The following NISCH variants were observed in gnomAD, a reference collection of about 807,000 sequenced individuals.
NISCH encodes nischarin, also known as I-1 receptor candidate protein.
NISCH carries 55 observed loss-of-function variants against 138.4 expected under a neutral mutation model. The ratio of observed to expected loss-of-function variants is 0.40; its 90% confidence interval spans 0.32 to 0.50. The LOEUF (loss-of-function observed/expected upper bound fraction) is 0.50. NISCH is among the 20% of genes least tolerant of loss of function. The pLI, the probability that NISCH is intolerant of heterozygous loss-of-function variation, is 0.71. For missense variants in NISCH, 1,643 were observed against 2,005.5 expected (o/e 0.82, Z 3.45); for synonymous variants, 860 against 861.5 (o/e 1.00, Z 0.03).
At chr3:52,476,983 T>C (rs959676779) in intron 8 of NISCH, among the ~76,000 whole-genome samples, 2 of 151,988 alleles carry the variant, frequency 1.3e-5, no homozygotes, top group African/African-American at 2.4e-5. Context: ...TGCAGTGAGC[T>C]GAGATAGGGC....
At chr3:52,479,931 C>A in intron 12 of NISCH, 69 bp downstream of exon 12, 2 of 1,277,654 alleles carry the variant, frequency 1.6e-6, no homozygotes, top group Non-Finnish European at 2.2e-6. Context: ...GTTTGGGGGG[C>A]TTGGGCCATG....
chr3:52,486,831 G>A (rs1436186875), intron 15 of NISCH, among the ~76,000 whole-genome samples: 1 of 152,234 alleles, frequency 6.6e-6, no homozygotes, highest in Non-Finnish European at 1.5e-5. Flanking sequence ...GTGACAAGTA[G>A]ATTCATGCCC....
At chr3:52,490,270 G>A (rs1481149378) in intron 18 of NISCH, 39 bp downstream of exon 18, 3 of 1,604,564 alleles carry the variant, frequency 1.9e-6, no homozygotes, top group South Asian at 1.1e-5. Context: ...AGCTTGGAGT[G>A]TGTGGTTGGG....
chr3:52,491,829 G>A (rs772858891), intron 20 of NISCH, 43 bp from the exon 21 acceptor site: 8 of 1,529,920 alleles, frequency 5.2e-6, no homozygotes, highest in Admixed American at 4.2e-5. Flanking sequence ...AGCCCCACCA[G>A]GGGCCGGTTC....
intron 3 of NISCH, among the ~76,000 whole-genome samples, chr3:52,466,895 CGGCAGGTGGTG>C (rs1374861801): frequency 6.6e-6 from 1 of 152,026 alleles, no homozygotes; most frequent in Non-Finnish European, 1.5e-5. Context: ...CACAGAATCC[CGGCAGGTGGTG>C]GGCAGGTGGT....
In NISCH at chr3:52,476,582, G is replaced by A. The variant is rs772025090; in HGVS notation, c.901G>A (p.Glu301Lys). 3.1e-5 allele frequency: 50 copies of A among 1,614,016 alleles called. No individual in the cohort carries two copies. Among genetic ancestry groups the A allele is most frequent in the South Asian group, 2.2e-4 (20 of 91,086 alleles). The change falls in exon 8 of 21, where the codon GAG becomes AAG. Residue 301 changes from glutamate (E) to lysine (K), a missense_variant. Coordinates refer to ENST00000345716, the MANE Select transcript of NISCH (RefSeq NM_007184.4). ...TGACCTGAGCCACAACAGCGTCTCCGAGATCGACGAGTCTGTGGTATGCTC... is the reference window on the plus strand; with the variant it reads ...TGACCTGAGCCACAACAGCGTCTCCAAGATCGACGAGTCTGTGGTATGCTC... ...TLDLSHNSVS[E>K]IDESVKLIPK...
In NISCH at chr3:52,487,221, C is replaced by T; in HGVS notation, c.1729C>T (p.Gln577Ter). ...ASPEHAEPEV[Q>*]VVPGSGQIIF... ...CCCAGAACATGCCGAGCCGGAGGTC[C>T]AGGTGGTGCCGGGGTCTGGCCAGAT... Residue 577 changes from glutamine to a stop codon, truncating the protein, a stop_gained, in exon 16 of 21, where the codon CAG becomes TAG. Coordinates refer to ENST00000345716, the MANE Select transcript of NISCH (RefSeq NM_007184.4). LOFTEE classifies it high-confidence loss of function. This position sits in a 1 kb window ranked among gnomAD's most constrained non-coding sequence, Gnocchi z 9.1. 4 of 1,614,038 alleles carry T rather than the reference C, an allele frequency of 2.5e-6. No homozygotes were observed. The highest frequency in any genetic ancestry group is 3.4e-6 in the Non-Finnish European group (4 of 1,180,024).
chr3:52,482,596 G>T (rs796538095), intron 13 of NISCH, among the ~76,000 whole-genome samples: 3 of 152,196 alleles, frequency 2.0e-5, no homozygotes, highest in Non-Finnish European at 4.4e-5. Context: ...TAAGAGGCAC[G>T]CATTTCCACC....
At position 52,478,138 on chromosome 3, in the gene NISCH, G is replaced by A. The variant is rs367571268; in HGVS notation, c.1029G>A (p.Lys343=). 5.0e-6 allele frequency: 8 copies of A among 1,614,084 alleles called. No homozygotes were observed. The African/African-American group carries it at 9.3e-5, about 19-fold the overall frequency. ...TGCATCTGGACCTGTCCTACAACAA[G>A]CTCTCCTCCTTGGAAGGGCTTCACA... ...NLVHLDLSYN[K]LSSLEGLHTK... Residue 343 remains lysine, a synonymous_variant, in exon 10 of 21, where the codon AAG becomes AAA. Transcript: ENST00000345716.
intron 1 of NISCH, among the ~76,000 whole-genome samples, chr3:52,456,839 G>A (rs1437901319): frequency 1.3e-5 from 2 of 152,240 alleles, no homozygotes; most frequent in African/African-American, 2.4e-5. Context: ...GAAACTAGGT[G>A]CAGGAGGCGG....
At chr3:52,463,615 T>C (rs1470196458) in intron 3 of NISCH, among the ~76,000 whole-genome samples, 1 of 152,074 alleles carries the variant, frequency 6.6e-6, no homozygotes, top group Non-Finnish European at 1.5e-5. Flanking sequence ...ACACTTCTTG[T>C]CCATTTTTTT....
Position 52,472,332 on chromosome 3 carries a change from C to A in NISCH, c.603C>A (p.Thr201=), listed in dbSNP as rs1293291513. The A allele has an allele frequency of 6.2e-7, 1 of 1,614,116 alleles. No individual in the cohort carries two copies. Residue 201 remains threonine, a synonymous_variant, in exon 6 of 21, where the codon ACC becomes ACA. Transcript: ENST00000345716. The part of the protein sequence containing the change: ...KVSGTEGPFG[T]SNIQEQLLPF... ...CTGGCACAGAAGGACCTTTTGGGAC[C>A]AGCAACATTCAGGAGCAGCTCCTGC...
Position 52,480,328 on chromosome 3 carries a change from C to A in NISCH, c.1528+33C>A. On this transcript the variant is annotated intron_variant, in intron 13 of 20. Transcript: ENST00000345716. ...TGTATGTATCTTGCTTCTAGTGGAG[C>A]CACACAGCCCTGCCTGGGCCCCCTG... 1.9e-6 allele frequency: 3 copies of A among 1,612,432 alleles called. No homozygotes were observed. In the African/African-American group the frequency reaches 4.0e-5, roughly 21 times the overall value.
intron 3 of NISCH, 32 bp downstream of exon 3, chr3:52,458,876 T>C: frequency 6.4e-7 from 1 of 1,555,754 alleles, no homozygotes; most frequent in Non-Finnish European, 8.7e-7. Flanking sequence ...CACCTGTGCC[T>C]GCAAACCCAC....
chr3:52,487,824 C>G lies in NISCH; in HGVS notation c.2332C>G (p.Leu778Val). 3.1e-6 allele frequency: 5 copies of G among 1,613,400 alleles called. No homozygotes were observed. The highest frequency in any genetic ancestry group is 4.2e-6 in the Non-Finnish European group (5 of 1,179,924). Reference protein sequence around the residue: ...LTEFGFLMPELCLVLKVRHSE... With the variant: ...LTEFGFLMPEVCLVLKVRHSE... ...CGAGTTTGGCTTCCTCATGCCGGAG[C>G]TGTGTCTGGTGCTCAAGGTACGGCA... is the stretch of plus-strand genomic sequence containing the variant. The change falls in exon 16 of 21, where the codon CTG (leucine) becomes GTG (valine). Residue 778 changes from leucine (L) to valine (V), a missense_variant. Transcript: ENST00000345716. The surrounding 1 kb of genome is among the most constrained non-coding windows in gnomAD (Gnocchi z 9.1).
intron 3 of NISCH, among the ~76,000 whole-genome samples, chr3:52,466,273 G>A (rs1402650812): frequency 6.6e-6 from 1 of 152,028 alleles, no homozygotes. Context: ...AAATTAAAGT[G>A]AGACGAGGAG....
At chr3:52,485,740 C>T (rs770620228) in intron 14 of NISCH, 38 bp from the exon 15 acceptor site, 6 of 1,558,978 alleles carry the variant, frequency 3.8e-6, no homozygotes, top group Non-Finnish European at 5.2e-6. Context: ...GGGCTGGCTG[C>T]AGTAGGTGGG....
chr3:52,491,785 G>T, intron 20 of NISCH, 87 bp from the exon 21 acceptor site: 1 of 1,469,854 alleles, frequency 6.8e-7, no homozygotes, highest in Non-Finnish European at 9.1e-7. Flanking sequence ...TCATGCCGGG[G>T]TCTCTCGGTT....
chr3:52,475,192 TAA>T (rs762289102), intron 7 of NISCH, among the ~76,000 whole-genome samples: 80 of 135,790 alleles, frequency 5.9e-4, no homozygotes, highest in African/African-American at 5.9e-4. Flanking sequence ...CCTTGTCTCT[TAA>T]AAAAAAAAAA....
Sources: gnomAD v4.1 joint callset for allele counts (sites outside exome capture counted in the v4.1 genomes callset) on GRCh38, gnomAD v4.1.1 for gene constraint, Gnocchi (gnomAD v3.1) non-coding constraint, MANE v1.5 for transcripts, NCBI Gene and HGNC (gene_info 2026-07-23, HGNC 2026-07-21) for gene names.